SLC39A10: variants seen among roughly 807,000 people sequenced by gnomAD.
SLC39A10 encodes zinc transporter ZIP10.
In SLC39A10, 13 loss-of-function variants were observed where a neutral mutation model predicts 65.1. The observed-to-expected ratio is 0.20, with a 90% CI of 0.13 to 0.32. The LOEUF is 0.32. Among genes scored for constraint, SLC39A10 ranks in the 10% least tolerant of loss-of-function variants. The probability of loss-of-function intolerance (pLI) is 1.00; values close to 1 mark genes in which losing one functional copy is unlikely to be tolerated. For synonymous variants in SLC39A10, 321 were observed against 342.2 expected, an observed-to-expected ratio of 0.94 and a Z score of 0.68; for missense variants, 831 against 1,018.4, an observed-to-expected ratio of 0.82 and a Z score of 2.50.
intron 3 of SLC39A10, among the ~76,000 whole-genome samples, chr2:195,702,509 C>G (rs1691231089): frequency 1.3e-5 from 2 of 152,178 alleles, no homozygotes; most frequent in African/African-American, 4.8e-5. Flanking sequence ...TAACATCAGA[C>G]AGATTTTGTC....
intron 2 of SLC39A10, among the ~76,000 whole-genome samples, chr2:195,634,314 TAA>T (rs1235582706): frequency 2.6e-5 from 4 of 152,250 alleles, no homozygotes; most frequent in Non-Finnish European, 2.9e-5. Flanking sequence ...GATTACTATA[TAA>T]CAGAGGAATA....
In SLC39A10 at chr2:195,737,159, T is replaced by TAACA. The variant is rs1382727797; in HGVS notation, c.*2119_*2122dup. ...TCTTACAAATCTTTTAAGAGGGCTG[T>TAACA]AACAGTTGCTGCTAGTATTAGGGTT... is the stretch of plus-strand genomic sequence containing the variant. On this transcript the variant is annotated 3_prime_UTR_variant, in exon 10 of 10. Transcript: ENST00000359634. 2.0e-5 allele frequency: 3 copies of TAACA among 152,466 alleles called. No homozygotes were observed. Among genetic ancestry groups the TAACA allele is most frequent in the African/African-American group, 4.8e-5 (2 of 41,252 alleles). The allele number at this position is 152,466 out of a possible 1,614,324, so 9.4% of individuals were successfully genotyped here.
In SLC39A10 at chr2:195,617,915, A is replaced by G. The variant is rs894399928; in HGVS notation, c.-12+11682A>G. On this transcript the variant is annotated intron_variant, in intron 2 of 2. Coordinates refer to the SLC39A10 transcript ENST00000458054. ...CCACCACGCCCGGCTAATTTTTTGT[A>G]TTTTTAGTAGAGACGGGGTTTCACC... 7.4e-5 allele frequency among the ~76,000 whole-genome samples: 11 copies of G among 149,062 alleles called. No individual in the cohort carries two copies. In the East Asian group the frequency reaches 1.3e-3, roughly 17 times the overall value.
intron 4 of SLC39A10, among the ~76,000 whole-genome samples, chr2:195,708,020 T>C (rs1051651834): frequency 5.9e-5 from 9 of 152,156 alleles, no homozygotes; most frequent in South Asian, 2.1e-4. Context: ...CTTTAAAATA[T>C]AGAAAATTAC....
chr2:195,725,015 T>A (rs1692184853), intron 8 of SLC39A10, among the ~76,000 whole-genome samples: 1 of 152,072 alleles, frequency 6.6e-6, no homozygotes, highest in African/African-American at 2.4e-5. Context: ...GAAAATTCCA[T>A]GTTGAAAGGA....
intron 2 of SLC39A10, among the ~76,000 whole-genome samples, chr2:195,646,433 G>T (rs12053537): frequency 0.2 from 29,975 of 152,058 alleles, 3,370 homozygotes; most frequent in East Asian, 0.43. Flanking sequence ...TACCACATAT[G>T]TGGTGGCTTC....
chr2:195,682,569 G>T (rs1239982733), intron 2 of SLC39A10, among the ~76,000 whole-genome samples: 4 of 152,126 alleles, frequency 2.6e-5, no homozygotes, highest in African/African-American at 9.7e-5. Context: ...TGGGATTACA[G>T]TGCATTAATT....
chr2:195,664,068 A>C (rs1449967738), intron 1 of SLC39A10, among the ~76,000 whole-genome samples: 2 of 152,194 alleles, frequency 1.3e-5, no homozygotes, highest in Non-Finnish European at 2.9e-5. Context: ...ATGCCAGTTA[A>C]AAATTGAAAA....
upstream of SLC39A10, among the ~76,000 whole-genome samples, chr2:195,652,387 C>CA (rs909992390): frequency 6.6e-6 from 1 of 151,404 alleles, no homozygotes; most frequent in Non-Finnish European, 1.5e-5. Flanking sequence ...GTCTCTCCCC[C>CA]AAAATACAAA....
chr2:195,672,886 G>A lies in SLC39A10; in HGVS notation c.-11-7146G>A, dbSNP rs574300803. On this transcript the variant is annotated intron_variant, in intron 1 of 9. Transcript: ENST00000359634. ...TTAGCATCTTCTAGTGGAAAATCAA[G>A]GTAACTGCAGGGAGTGTAACAGGGA... Among the ~76,000 whole-genome samples, 90 of 152,234 alleles carry A rather than the reference G, an allele frequency of 5.9e-4. 1 individual carries two copies. The highest frequency in any genetic ancestry group is 1.3e-3 in the African/African-American group (53 of 41,528).
chr2:195,657,648 G>A, intron 1 of SLC39A10: 1 of 984,678 alleles, frequency 1.0e-6, no homozygotes, highest in Non-Finnish European at 1.2e-6. Flanking sequence ...GGGTGGGGGA[G>A]TGACCGCTGG....
intron 9 of SLC39A10, among the ~76,000 whole-genome samples, chr2:195,730,072 T>A (rs1692386168): frequency 6.8e-6 from 1 of 148,132 alleles, no homozygotes; most frequent in East Asian, 2.0e-4. Flanking sequence ...TCCAAAGTGC[T>A]GAGATTATAG....
intron 2 of SLC39A10, among the ~76,000 whole-genome samples, chr2:195,643,267 T>C (rs1040607897): frequency 6.6e-6 from 1 of 152,130 alleles, no homozygotes; most frequent in African/African-American, 2.4e-5. Flanking sequence ...CCAGCTGCAA[T>C]AGATGAGTTG....
At chr2:195,666,346 T>C (rs1244916912) in intron 1 of SLC39A10, among the ~76,000 whole-genome samples, 4 of 152,192 alleles carry the variant, frequency 2.6e-5, no homozygotes, top group African/African-American at 7.2e-5. Context: ...GGCAAGCTGG[T>C]ATAAAATCAA....
chr2:195,728,490 T>C lies in SLC39A10; in HGVS notation c.2337+141T>C, dbSNP rs1257555611. On this transcript the variant is annotated intron_variant, in intron 9 of 9. Transcript: ENST00000359634. This position sits in a 1 kb window ranked among gnomAD's most constrained non-coding sequence, Gnocchi z 4.4. ...CTAAATAATCTCTTAAGGAAGGACA[T>C]TTAAGTAGGAGGTTTCCTTTTATGG... 6.5e-6 allele frequency: 5 copies of C among 770,648 alleles called. No individual in the cohort carries two copies. In the Admixed American group the frequency reaches 1.2e-4, roughly 19 times the overall value. 47.7% of individuals were successfully genotyped at this position (770,648 alleles called of 1,614,324 possible). A position where few individuals can be genotyped will look rare whatever the true frequency, so the allele number is the denominator to read the frequency against.
intron 1 of SLC39A10, chr2:195,674,740 C>T (rs572522214): frequency 1.3e-6 from 1 of 755,504 alleles, no homozygotes; most frequent in East Asian, 1.3e-4. Context: ...ATAGAGTATA[C>T]TTAGACAAAC....
At chr2:195,679,019 T>C (rs1201822102) in intron 1 of SLC39A10, among the ~76,000 whole-genome samples, 3 of 152,210 alleles carry the variant, frequency 2.0e-5, no homozygotes, top group Non-Finnish European at 4.4e-5. Flanking sequence ...GTTCTGCGTC[T>C]ACGTTGTCCA....
At chr2:195,730,185 T>G (rs1252642388) in intron 9 of SLC39A10, among the ~76,000 whole-genome samples, 2 of 152,232 alleles carry the variant, frequency 1.3e-5, no homozygotes, top group East Asian at 3.9e-4. Flanking sequence ...CCAGAACTGC[T>G]TTTGTCAAAT....
At chr2:195,666,503 G>A (rs543645492) in intron 1 of SLC39A10, among the ~76,000 whole-genome samples, 17 of 152,296 alleles carry the variant, frequency 1.1e-4, no homozygotes, top group African/African-American at 3.6e-4. Context: ...GCTGTTGCCA[G>A]GCTGGAGTAT....
Sources: allele counts gnomAD v4.1 joint callset (sites outside exome capture counted in the v4.1 genomes callset), GRCh38; gene constraint gnomAD v4.1.1; non-coding constraint Gnocchi (gnomAD v3.1); transcripts MANE v1.5; gene names NCBI Gene and HGNC (gene_info 2026-07-23, HGNC 2026-07-21).